The following IL6R variants were observed in gnomAD, a reference collection of about 807,000 sequenced individuals.
IL6R encodes the protein interleukin 6 receptor, also known as interleukin-6 receptor subunit alpha.
IL6R carries 38 observed loss-of-function variants against 48.3 expected under a neutral mutation model. The ratio of observed to expected loss-of-function variants is 0.79; its 90% CI spans 0.61 to 1.03. The LOEUF is 1.03. Ranked by LOEUF, IL6R falls within the 50% of genes least tolerant of loss-of-function variation. The probability of loss-of-function intolerance (pLI) is 0.00; values close to 1 mark genes in which losing one functional copy is unlikely to be tolerated. For missense variants in IL6R, 534 were observed against 618.3 expected, an observed-to-expected ratio of 0.86 and a Z score of 1.45; for synonymous variants, 264 against 256.2, an observed-to-expected ratio of 1.03 and a Z score of -0.29.
intron 1 of IL6R, among the ~76,000 whole-genome samples, chr1:154,419,955 T>C (rs1300352978): frequency 6.6e-6 from 1 of 152,078 alleles, no homozygotes; most frequent in Non-Finnish European, 1.5e-5. Context: ...CCAAAGGGTG[T>C]CTGGGCCATG....
chr1:154,463,349 T>G (rs1691371485), intron 9 of IL6R, among the ~76,000 whole-genome samples: 1 of 152,228 alleles, frequency 6.6e-6, no homozygotes, highest in Non-Finnish European at 1.5e-5. Flanking sequence ...GGTGTCCACA[T>G]GGTGAAGCCC....
chr1:154,411,695 G>A lies in IL6R; in HGVS notation c.85+5981G>A, dbSNP rs576970054. Reference sequence around the variant, plus strand: ...GGGACCTTTGGGCAAGTCACTACAAGCTTTAAAGTATAAAATACTTTTTGA... The same window carrying A: ...GGGACCTTTGGGCAAGTCACTACAAACTTTAAAGTATAAAATACTTTTTGA... On this transcript the variant is annotated intron_variant, in intron 1 of 9. Transcript: ENST00000368485. Among the ~76,000 whole-genome samples, 30 of 152,198 alleles carry A rather than the reference G, an allele frequency of 2.0e-4. 1 individual carries two copies. The South Asian group carries it at 5.6e-3, about 28-fold the overall frequency.
intron 4 of IL6R, 128 bp from the exon 5 acceptor site, chr1:154,434,862 C>T: frequency 8.3e-7 from 1 of 1,206,234 alleles, no homozygotes; most frequent in East Asian, 2.5e-5. Flanking sequence ...TAAAGCAGGC[C>T]CTTGTGGAGC....
At chr1:154,464,686 T>A (rs1691453783) in intron 9 of IL6R, among the ~76,000 whole-genome samples, 1 of 151,960 alleles carries the variant, frequency 6.6e-6, no homozygotes, top group South Asian at 2.1e-4. Flanking sequence ...GGGTCGGGTG[T>A]GCCGGCTCAT....
intron 6 of IL6R, chr1:154,437,468 C>T (rs1293031274): frequency 2.3e-6 from 1 of 444,000 alleles, no homozygotes; most frequent in Non-Finnish European, 4.6e-6. Flanking sequence ...GGATGGAGTA[C>T]AGCAGTGCAA....
chr1:154,462,821 T>A (rs186992530), intron 9 of IL6R, among the ~76,000 whole-genome samples: 47 of 152,282 alleles, frequency 3.1e-4, no homozygotes, highest in South Asian at 1.7e-3. Context: ...TTAATTTATT[T>A]ATTTATTGAG....
chr1:154,418,334 G>A lies in IL6R; in HGVS notation c.86-10862G>A, dbSNP rs940325408. On this transcript the variant is annotated intron_variant, in intron 1 of 9. Transcript: ENST00000368485. ...GCACGTGGGTCTCTGAGTCAGCATT[G>A]AGCATTACCTGTTTATGGGTCCAAA... The A allele has an allele frequency of 5.7e-5, 44 of 776,612 alleles. No individual in the cohort carries two copies. In the African/African-American group the frequency reaches 8.1e-4, roughly 14 times the overall value. The allele number at this position is 776,612 out of a possible 1,614,324, so 48.1% of individuals were successfully genotyped here.
chr1:154,462,876 C>T (rs1691348461), intron 9 of IL6R, among the ~76,000 whole-genome samples: 1 of 152,156 alleles, frequency 6.6e-6, no homozygotes, highest in Non-Finnish European at 1.5e-5. Context: ...GGCACAATCT[C>T]AGCACACTGC....
chr1:154,463,753 T>C lies in IL6R; in HGVS notation c.1161-1381T>C, dbSNP rs74939863. Among the ~76,000 whole-genome samples the C allele has an allele frequency of 3.1e-3, 469 of 152,358 alleles. 2 individuals are homozygous for C. Among genetic ancestry groups the C allele is most frequent in the African/African-American group, 0.011 (453 of 41,580 alleles). On this transcript the variant is annotated intron_variant, in intron 9 of 9. Transcript: ENST00000368485. ...ATCCATGTCACCATTTCATCTTTCTTTGAGCTGTCAAGTGACTTTTCTCAG... is the reference window on the plus strand; with the variant it reads ...ATCCATGTCACCATTTCATCTTTCTCTGAGCTGTCAAGTGACTTTTCTCAG...
At chr1:154,417,975 C>T (rs780653032) in intron 1 of IL6R, among the ~76,000 whole-genome samples, 4 of 152,110 alleles carry the variant, frequency 2.6e-5, no homozygotes, top group South Asian at 2.1e-4. Flanking sequence ...CCTTGTGATC[C>T]GACCTTCTCT....
chr1:154,445,737 G>A (rs1044824983), intron 6 of IL6R, among the ~76,000 whole-genome samples: 2 of 138,030 alleles, frequency 1.4e-5, no homozygotes, highest in Non-Finnish European at 3.1e-5. Flanking sequence ...GCGACAGAGC[G>A]AGACTCGGTC....
chr1:154,438,513 A>G (rs1323647146), intron 6 of IL6R, among the ~76,000 whole-genome samples: 1 of 150,130 alleles, frequency 6.7e-6, no homozygotes, highest in Non-Finnish European at 1.5e-5. Flanking sequence ...GGCAGTTAGG[A>G]AAAAAAAAAG....
Position 154,434,666 on chromosome 1 carries a change from C to T in IL6R, c.606C>T (p.Phe202=). The part of the protein sequence containing the change: ...MCVASSVGSK[F]SKTQTFQGCG... ...TCGCCAGTAGTGTCGGGAGCAAGTT[C>T]AGCAAAACTCAAACCTTTCAGGGTT... The change falls in exon 4 of 10, where the codon TTC becomes TTT. Residue 202 remains phenylalanine, a synonymous_variant. Transcript: ENST00000368485. 1 of 1,614,166 alleles carries T rather than the reference C, an allele frequency of 6.2e-7. No homozygotes were observed. Among genetic ancestry groups the T allele is most frequent in the East Asian group, 2.2e-5 (1 of 44,884 alleles).
intron 1 of IL6R, among the ~76,000 whole-genome samples, chr1:154,413,381 C>A (rs1688146071): frequency 1.3e-5 from 2 of 152,234 alleles, no homozygotes; most frequent in Admixed American, 6.5e-5. Context: ...TTTGCATATG[C>A]CTCTTGTTGT....
intron 1 of IL6R, chr1:154,414,594 G>A: frequency 1.3e-6 from 1 of 754,658 alleles, no homozygotes; most frequent in Non-Finnish European, 2.3e-6. Flanking sequence ...CTTTCTTGAT[G>A]CACCCGGCCA....
intron 1 of IL6R, among the ~76,000 whole-genome samples, chr1:154,423,238 GGCTATGTA>G (rs1462995513): frequency 4.0e-5 from 4 of 100,092 alleles, no homozygotes; most frequent in African/African-American, 1.4e-4. Flanking sequence ...CACAGACCCA[GGCTATGTA>G]GCTTGTTTAA....
intron 9 of IL6R, among the ~76,000 whole-genome samples, chr1:154,461,734 G>GC (rs1691274938): frequency 6.6e-6 from 1 of 151,968 alleles, no homozygotes; most frequent in South Asian, 2.1e-4. Flanking sequence ...TCTTGCCTCG[G>GC]CACCTAGGTA....
chr1:154,428,176 A>G (rs1389294867), intron 1 of IL6R, among the ~76,000 whole-genome samples: 1 of 152,220 alleles, frequency 6.6e-6, no homozygotes, highest in African/African-American at 2.4e-5. Flanking sequence ...CTGCTACTCA[A>G]AAAAAGTGTA....
intron 6 of IL6R, among the ~76,000 whole-genome samples, chr1:154,446,403 C>T (rs4537545): frequency 0.47 from 71,566 of 151,956 alleles, 18,007 homozygotes; most frequent in African/African-American, 0.64. Flanking sequence ...CCCTCCCTGA[C>T]GCCGAAGCAG....
Sources: allele counts gnomAD v4.1 joint callset (sites outside exome capture counted in the v4.1 genomes callset), GRCh38; gene constraint gnomAD v4.1.1; transcripts MANE v1.5; gene names NCBI Gene and HGNC (gene_info 2026-07-23, HGNC 2026-07-21).